The following ENTPD7 variants were observed in gnomAD, a reference collection of about 807,000 sequenced individuals.
ENTPD7 encodes the protein NTPDase 7.
In ENTPD7, 53 loss-of-function variants were observed where a neutral mutation model predicts 77.9. The ratio of observed to expected loss-of-function variants is 0.68; its 90% CI spans 0.55 to 0.85. The LOEUF (loss-of-function observed/expected upper bound fraction) is 0.85. Ranked by LOEUF, ENTPD7 falls within the 40% of genes least tolerant of loss-of-function variation. The pLI, the probability that ENTPD7 is intolerant of heterozygous loss-of-function variation, is 0.00. For missense variants in ENTPD7, 636 were observed against 743.7 expected, an observed-to-expected ratio of 0.86 and a Z score of 1.68; for synonymous variants, 248 against 274.9, an observed-to-expected ratio of 0.90 and a Z score of 0.97.
In ENTPD7 at chr10:99,708,930, C is replaced by T; in HGVS notation, c.*4247C>T. 1.0e-6 allele frequency: 1 copy of T among 985,374 alleles called. No individual in the cohort carries two copies. The highest frequency in any genetic ancestry group is 1.2e-6 in the Non-Finnish European group (1 of 829,900). The allele number at this position is 985,374 out of a possible 1,614,324, so 61.0% of individuals were successfully genotyped here. A position where few individuals can be genotyped will look rare whatever the true frequency, so the allele number is the denominator to read the frequency against. On this transcript the variant is annotated 3_prime_UTR_variant, in exon 13 of 13. Coordinates refer to ENST00000370489, the MANE Select transcript of ENTPD7 (RefSeq NM_020354.5). ...ACAGCTGGCCACAACTAACCATGCC[C>T]CATCTTTACAACTGCTTCTGACATT...
At position 99,711,161 on chromosome 10, in the gene ENTPD7, C is replaced by T. The variant is rs1477783320; in HGVS notation, c.*6478C>T. On this transcript the variant is annotated 3_prime_UTR_variant, in exon 13 of 13. Transcript: ENST00000370489. ...TCATAGATATAATACAGTTATATAGCTAAATGCAACCAGTTGTTTTTCCAA... is the reference window on the plus strand; with the variant it reads ...TCATAGATATAATACAGTTATATAGTTAAATGCAACCAGTTGTTTTTCCAA... The T allele has an allele frequency of 1.0e-6, 1 of 984,864 alleles. No homozygotes were observed. Among genetic ancestry groups the T allele is most frequent in the African/African-American group, 1.7e-5 (1 of 57,172 alleles). The allele number at this position is 984,864 out of a possible 1,614,324, so 61.0% of individuals were successfully genotyped here.
intron 3 of ENTPD7, among the ~76,000 whole-genome samples, chr10:99,674,420 A>C (rs1451654701): frequency 6.6e-6 from 1 of 152,214 alleles, no homozygotes; most frequent in Non-Finnish European, 1.5e-5. Context: ...GAATTTTTTC[A>C]TCTTGCAGAT....
chr10:99,696,136 G>A lies in ENTPD7; in HGVS notation c.1010+14G>A, dbSNP rs201208234. The A allele has an allele frequency of 3.7e-6, 6 of 1,612,422 alleles. No individual in the cohort carries two copies. On this transcript the variant is annotated intron_variant, in intron 9 of 12. Coordinates refer to ENST00000370489, the MANE Select transcript of ENTPD7 (RefSeq NM_020354.5). ...TAACAAAAACAGGTACATTTGATAT[G>A]GGATCTGAGTTTCTGAAATATAATG...
chr10:99,700,142 T>C (rs1433019790), intron 10 of ENTPD7, among the ~76,000 whole-genome samples: 2 of 152,152 alleles, frequency 1.3e-5, no homozygotes, highest in African/African-American at 4.8e-5. Flanking sequence ...GGCCTGACTC[T>C]TTCTCTTATC....
At chr10:99,703,926 A>G (rs757151976) in intron 12 of ENTPD7, among the ~76,000 whole-genome samples, 6 of 152,000 alleles carry the variant, frequency 3.9e-5, no homozygotes, top group Non-Finnish European at 7.4e-5. Context: ...GGGTCTTGTT[A>G]TGTTGACCAG....
At position 99,670,224 on chromosome 10, in the gene ENTPD7, G is replaced by A. The variant is rs74152708; in HGVS notation, c.191+8596G>A. Among the ~76,000 whole-genome samples, 204 of 152,274 alleles carry A rather than the reference G, an allele frequency of 1.3e-3. 1 individual carries two copies. Among genetic ancestry groups the A allele is most frequent in the African/African-American group, 4.8e-3 (200 of 41,548 alleles). On this transcript the variant is annotated intron_variant, in intron 3 of 12. Transcript: ENST00000370489. ...CAAATAGGGTAGTCACTACCCACAAGTGGCTAATTAAATTTAAATTAATTA... is the reference window on the plus strand; with the variant it reads ...CAAATAGGGTAGTCACTACCCACAAATGGCTAATTAAATTTAAATTAATTA...
In ENTPD7 at chr10:99,679,308, C is replaced by A. The variant is rs2035722195; in HGVS notation, c.239C>A (p.Pro80Gln). The change falls in exon 4 of 13, where the codon CCA becomes CAA. Residue 80 changes from proline to glutamine, a missense_variant. Physicochemically the swap from Pro to Gln is moderately conservative, Grantham distance 76 (BLOSUM62 -1). Coordinates refer to ENST00000370489, the MANE Select transcript of ENTPD7 (RefSeq NM_020354.5). Reference protein sequence around the residue: ...GELEATDTEDPNLNYGLVVDC... With the variant: ...GELEATDTEDQNLNYGLVVDC... Reference sequence around the variant, plus strand: ...CTTGAAGCTACTGACACTGAAGACCCAAATCTGAATTATGGACTTGTTGTT... The same window carrying A: ...CTTGAAGCTACTGACACTGAAGACCAAAATCTGAATTATGGACTTGTTGTT... 1 of 1,614,120 alleles carries A rather than the reference C, an allele frequency of 6.2e-7. No homozygotes were observed. The highest frequency in any genetic ancestry group is 8.5e-7 in the Non-Finnish European group (1 of 1,180,012).
intron 8 of ENTPD7, among the ~76,000 whole-genome samples, chr10:99,693,639 C>T (rs2035918992): frequency 6.6e-6 from 1 of 152,012 alleles, no homozygotes; most frequent in African/African-American, 2.4e-5. Flanking sequence ...TATAGCAGGC[C>T]GGGCACGGTG....
At chr10:99,685,452 G>T (rs1164174752) in intron 5 of ENTPD7, among the ~76,000 whole-genome samples, 1 of 152,114 alleles carries the variant, frequency 6.6e-6, no homozygotes, top group Non-Finnish European at 1.5e-5. Flanking sequence ...TATAGTTTAT[G>T]CAACTTGGCT....
chr10:99,676,662 T>C lies in ENTPD7; in HGVS notation c.192-2599T>C, dbSNP rs1446043479. On this transcript the variant is annotated intron_variant, in intron 3 of 12. Transcript: ENST00000370489. ...AGTTCTGTGACTTGAACCCAGACTT[T>C]TGCCCAGCTCTCATATGATAGAAGT... 3.9e-5 allele frequency among the ~76,000 whole-genome samples: 6 copies of C among 152,342 alleles called. No homozygotes were observed. The East Asian group carries it at 1.2e-3, about 29-fold the overall frequency.
intron 6 of ENTPD7, among the ~76,000 whole-genome samples, chr10:99,687,981 G>T (rs1189844194): frequency 2.0e-5 from 3 of 152,092 alleles, no homozygotes; most frequent in Non-Finnish European, 1.5e-5. Flanking sequence ...TCAGAGAAAA[G>T]AATTCAAAGC....
At chr10:99,669,547 A>G (rs1039089110) in intron 3 of ENTPD7, among the ~76,000 whole-genome samples, 23 of 152,204 alleles carry the variant, frequency 1.5e-4, no homozygotes, top group African/African-American at 5.3e-4. Flanking sequence ...ATACAAAAAA[A>G]GTAAATTTAG....
chr10:99,682,290 A>AG (rs2035763887), intron 5 of ENTPD7, among the ~76,000 whole-genome samples: 1 of 151,732 alleles, frequency 6.6e-6, no homozygotes, highest in Non-Finnish European at 1.5e-5. Flanking sequence ...CCATACATGT[A>AG]GGGCTCCAAG....
intron 3 of ENTPD7, among the ~76,000 whole-genome samples, chr10:99,675,063 A>G (rs1198626802): frequency 6.6e-6 from 1 of 152,246 alleles, no homozygotes; most frequent in Non-Finnish European, 1.5e-5. Flanking sequence ...TTATCATGGA[A>G]CACTATTTTT....
chr10:99,693,441 G>A (rs1053974180), intron 8 of ENTPD7, among the ~76,000 whole-genome samples: 2 of 152,268 alleles, frequency 1.3e-5, no homozygotes, highest in South Asian at 2.1e-4. Flanking sequence ...GTCTATATTC[G>A]TTAGTATGTA....
chr10:99,675,527 G>T (rs185388509), intron 3 of ENTPD7, among the ~76,000 whole-genome samples: 1 of 106,444 alleles, frequency 9.4e-6, no homozygotes, highest in Non-Finnish European at 1.7e-5. Context: ...TAGGGTTTTA[G>T]ATTCCAATTG....
intron 2 of ENTPD7, chr10:99,660,440 G>C: frequency 2.0e-6 from 2 of 997,472 alleles, no homozygotes. Context: ...CACCAATAAG[G>C]GAAAGTTATA....
Position 99,709,652 on chromosome 10 carries a change from T to G in ENTPD7, c.*4969T>G, listed in dbSNP as rs1326843091. 1.0e-6 allele frequency: 1 copy of G among 985,346 alleles called. No individual in the cohort carries two copies. Among genetic ancestry groups the G allele is most frequent in the Non-Finnish European group, 1.2e-6 (1 of 829,944 alleles). The allele number at this position is 985,346 out of a possible 1,614,324, so 61.0% of individuals were successfully genotyped here. ...ATAACCTGGATCTAAGTTGGAAAGC[T>G]GTGGCACCCTGTTTGGGTGTCCCAT... On this transcript the variant is annotated 3_prime_UTR_variant, in exon 13 of 13. Coordinates refer to ENST00000370489, the MANE Select transcript of ENTPD7 (RefSeq NM_020354.5).
chr10:99,679,722 A>G lies in ENTPD7; in HGVS notation c.398-3A>G, dbSNP rs1311648765. On this transcript the variant is annotated splice_region_variant and splice_polypyrimidine_tract_variant and intron_variant, in intron 4 of 12. Coordinates refer to ENST00000370489, the MANE Select transcript of ENTPD7 (RefSeq NM_020354.5). ...TTTGTCTGTTTGTTTGTTTTAACTTAAGGAATCTCTGCAATGGCAGACACT... is the reference window on the plus strand; with the variant it reads ...TTTGTCTGTTTGTTTGTTTTAACTTGAGGAATCTCTGCAATGGCAGACACT... 1 of 1,604,230 alleles carries G rather than the reference A, an allele frequency of 6.2e-7. No homozygotes were observed. The highest frequency in any genetic ancestry group is 1.3e-5 in the African/African-American group (1 of 74,396).
Sources: allele counts gnomAD v4.1 joint callset (sites outside exome capture counted in the v4.1 genomes callset), GRCh38; gene constraint gnomAD v4.1.1; transcripts MANE v1.5; gene names NCBI Gene and HGNC (gene_info 2026-07-23, HGNC 2026-07-21).